The following ZP3 variants were observed in gnomAD, a reference collection of about 807,000 sequenced individuals.
ZP3 encodes zona pellucida glycoprotein 3.
A neutral mutation model predicts 35.6 loss-of-function variants in ZP3; 21 were observed. The ratio of observed to expected loss-of-function variants is 0.59; its 90% CI spans 0.42 to 0.85. The LOEUF (loss-of-function observed/expected upper bound fraction) is 0.85. Ranked by LOEUF, ZP3 falls within the 40% of genes least tolerant of loss-of-function variation. ZP3 has a pLI of 0.00. For missense variants in ZP3, 437 were observed against 536.5 expected (o/e 0.81, Z 1.83); for synonymous variants, 207 against 214.5 (o/e 0.96, Z 0.31).
intron 2 of ZP3, among the ~76,000 whole-genome samples, chr7:76,431,937 C>A (rs1805838257): frequency 6.6e-6 from 1 of 151,776 alleles, no homozygotes; most frequent in African/African-American, 2.4e-5. Flanking sequence ...TGATTCCCCT[C>A]TCAAGCATCC....
chr7:76,426,136 T>A (rs1378512993), intron 1 of ZP3, among the ~76,000 whole-genome samples: 1 of 150,344 alleles, frequency 6.7e-6, no homozygotes, highest in Non-Finnish European at 1.5e-5. Context: ...GGGGGCATCA[T>A]AACCTTGGTG....
At position 76,425,237 on chromosome 7, in the gene ZP3, G is replaced by A. The variant is rs934986623; in HGVS notation, c.273G>A (p.Arg91=). 2 of 1,613,008 alleles carry A rather than the reference G, an allele frequency of 1.2e-6. No individual in the cohort carries two copies. Among genetic ancestry groups the A allele is most frequent in the Admixed American group, 1.7e-5 (1 of 59,972 alleles). The part of the protein sequence containing the change: ...LVSMDTEDVV[R]FEVGLHECGN... ...CCATGGACACAGAAGATGTGGTCAGGTTTGAGGTTGGACTCCACGAGTGTG... is the reference window on the plus strand; with the variant it reads ...CCATGGACACAGAAGATGTGGTCAGATTTGAGGTTGGACTCCACGAGTGTG... The change falls in exon 1 of 8, where the codon AGG becomes AGA. Residue 91 remains arginine, a synonymous_variant. Transcript: ENST00000394857.
At chr7:76,421,398 G>A (rs1275593951), upstream of ZP3, among the ~76,000 whole-genome samples, 1 of 151,860 alleles carries the variant, frequency 6.6e-6, no homozygotes, top group African/African-American at 2.4e-5. Context: ...AGGACTACAG[G>A]TGTGTGCCAA....
At chr7:76,421,920 A>G (rs1211940547), upstream of ZP3, among the ~76,000 whole-genome samples, 1 of 150,908 alleles carries the variant, frequency 6.6e-6, no homozygotes, top group Non-Finnish European at 1.5e-5. Context: ...GTTTTGAGAC[A>G]GAGTGTTGCT....
chr7:76,441,183 A>C (rs1356062787), intron 7 of ZP3, among the ~76,000 whole-genome samples: 2 of 151,446 alleles, frequency 1.3e-5, no homozygotes, highest in East Asian at 3.9e-4. Context: ...AAAAAAAAAT[A>C]ATAATCTGGC....
intron 7 of ZP3, among the ~76,000 whole-genome samples, chr7:76,440,879 T>C (rs556069788): frequency 6.6e-6 from 1 of 152,192 alleles, no homozygotes; most frequent in East Asian, 1.9e-4. Flanking sequence ...TAGCAGTTGT[T>C]AAGATAATCT....
At position 76,428,848 on chromosome 7, in the gene ZP3, AT is replaced by A. The variant is rs367611888; in HGVS notation, c.313-655del. 4.6e-3 allele frequency: 679 copies of A among 147,788 alleles called. 4 individuals are homozygous for A. Among genetic ancestry groups the A allele is most frequent in the African/African-American group, 0.014 (583 of 40,500 alleles). 9.2% of individuals were successfully genotyped at this position (147,788 alleles called of 1,614,324 possible). Reference sequence around the variant, plus strand: ...AGGCACGTGCCACCACACTCAGCTAATTTTTTTTTTTTAAGTAGAGATGGGG... The same window carrying A: ...AGGCACGTGCCACCACACTCAGCTAATTTTTTTTTTTAAGTAGAGATGGGG... On this transcript the variant is annotated intron_variant, in intron 1 of 7. Transcript: ENST00000394857.
At chr7:76,440,405 C>T (rs1260247285) in intron 6 of ZP3, 64 bp downstream of exon 6, 1 of 1,610,300 alleles carries the variant, frequency 6.2e-7, no homozygotes, top group African/African-American at 1.3e-5. Flanking sequence ...TGTCTATTTC[C>T]CCCAATATAT....
At chr7:76,412,187 C>CA (rs200042424) in intron 1 of ZP3, among the ~76,000 whole-genome samples, 12,273 of 79,154 alleles carry the variant, frequency 0.16, 1,427 homozygotes, top group African/African-American at 0.36. Context: ...GACTCTGTCT[C>CA]AAAAAAAAAA....
intron 1 of ZP3, among the ~76,000 whole-genome samples, chr7:76,410,544 G>C (rs1457901655): frequency 2.0e-5 from 3 of 151,906 alleles, no homozygotes; most frequent in African/African-American, 7.3e-5. Context: ...AGAAGCTCCT[G>C]AGGATCAAAC....
At chr7:76,402,003 C>G (rs903511380) in intron 1 of ZP3, among the ~76,000 whole-genome samples, 2 of 151,832 alleles carry the variant, frequency 1.3e-5, no homozygotes, top group Admixed American at 6.6e-5. Context: ...CTAGATGAGT[C>G]CTTCTACTTC....
chr7:76,434,901 GAACCTA>G (rs1223820656), intron 5 of ZP3, among the ~76,000 whole-genome samples: 1 of 150,898 alleles, frequency 6.6e-6, no homozygotes, highest in African/African-American at 2.4e-5. Flanking sequence ...CTCCCCTTGA[GAACCTA>G]AACTAGAAAA....
intron 1 of ZP3, among the ~76,000 whole-genome samples, chr7:76,403,492 C>T (rs1402870974): frequency 2.0e-5 from 3 of 151,592 alleles, no homozygotes; most frequent in African/African-American, 7.3e-5. Flanking sequence ...CGCCCGCCAC[C>T]ATGCCCAGCT....
chr7:76,440,138 C>T (rs1257237864), intron 5 of ZP3, 112 bp from the exon 6 acceptor site: 11 of 1,473,432 alleles, frequency 7.5e-6, no homozygotes, highest in South Asian at 1.3e-5. Context: ...TGTGCCAATG[C>T]ACCCGGCCCC....
intron 1 of ZP3, chr7:76,401,029 G>T (rs1450716344): frequency 6.5e-7 from 1 of 1,549,066 alleles, no homozygotes; most frequent in African/African-American, 1.4e-5. Flanking sequence ...AGTGGAGTGG[G>T]CTGTAGGGCG....
chr7:76,426,655 C>G (rs963749246), intron 1 of ZP3, among the ~76,000 whole-genome samples: 6 of 151,966 alleles, frequency 3.9e-5, no homozygotes, highest in Admixed American at 1.3e-4. Context: ...GCTCCCCCCC[C>G]TTCTGTGAAA....
chr7:76,433,464 T>A lies in ZP3; in HGVS notation c.536-6T>A, dbSNP rs746831591. On this transcript the variant is annotated splice_polypyrimidine_tract_variant and splice_region_variant and intron_variant, in intron 3 of 7. Coordinates refer to ENST00000394857, the MANE Select transcript of ZP3 (RefSeq NM_001110354.2). ...GCCACCATGCCCAGCTGACTGTGTC[T>A]TTCAGAGAACTGGAACGCTGAGAAG... 26 of 1,610,412 alleles carry A rather than the reference T, an allele frequency of 1.6e-5. No individual in the cohort carries two copies. In the Admixed American group the frequency reaches 4.4e-4, roughly 27 times the overall value.
intron 1 of ZP3, among the ~76,000 whole-genome samples, chr7:76,428,460 G>A (rs571165447): frequency 1.3e-5 from 2 of 152,250 alleles, no homozygotes; most frequent in South Asian, 2.1e-4. Flanking sequence ...AGGGCCTAGC[G>A]TCACATTTTT....
intron 3 of ZP3, 33 bp from the exon 4 acceptor site, chr7:76,433,437 G>T: frequency 6.3e-7 from 1 of 1,595,944 alleles, no homozygotes. Context: ...TTACAGGCAT[G>T]AGCCACCATG....
Sources: gnomAD v4.1 joint callset for allele counts (sites outside exome capture counted in the v4.1 genomes callset) on GRCh38, gnomAD v4.1.1 for gene constraint, MANE v1.5 for transcripts, NCBI Gene and HGNC (gene_info 2026-07-23, HGNC 2026-07-21) for gene names.